The following TRPC3 variants were observed in gnomAD, a reference collection of about 807,000 sequenced individuals.
TRPC3 encodes the protein short transient receptor potential channel 3.
TRPC3 carries 54 observed loss-of-function variants against 90.9 expected under a neutral mutation model. That is an observed-to-expected ratio of 0.59 (90% CI 0.48 to 0.75). TRPC3 has a LOEUF of 0.75. TRPC3 is among the 30% of genes least tolerant of loss of function. The pLI is 0.00. For missense variants in TRPC3, 918 were observed against 1,194.5 expected (o/e 0.77, Z 3.41); for synonymous variants, 424 against 450.9 (o/e 0.94, Z 0.75).
chr4:121,927,635 G>C (rs148815207), intron 2 of TRPC3, among the ~76,000 whole-genome samples: 1 of 152,050 alleles, frequency 6.6e-6, no homozygotes, highest in Non-Finnish European at 1.5e-5. Flanking sequence ...GCAAAACCAC[G>C]TCATCAGCTA....
rs1285464303 is a variant in TRPC3, at chr4:121,932,893, T to A, written c.365A>T (p.Tyr122Phe). 6.2e-7 allele frequency: 1 copy of A among 1,614,082 alleles called. No homozygotes were observed. Among genetic ancestry groups the A allele is most frequent in the African/African-American group, 1.3e-5 (1 of 75,072 alleles). The change falls in exon 2 of 12, where the codon TAC (tyrosine) becomes TTC (phenylalanine). Residue 122 changes from tyrosine to phenylalanine, a missense_variant. Transcript: ENST00000379645. This position sits in a 1 kb window ranked among gnomAD's most constrained non-coding sequence, Gnocchi z 7.7. ...CTTGCGCACCACTGGGATGTTGCCG[T>A]ACTCGGCGGCGTCGAGGAAGCGCTC... is the stretch of plus-strand genomic sequence containing the variant. ...EEERFLDAAE[Y>F]GNIPVVRKML...
chr4:121,897,906 T>G (rs984489337), intron 10 of TRPC3, among the ~76,000 whole-genome samples: 2 of 152,016 alleles, frequency 1.3e-5, no homozygotes, highest in African/African-American at 4.8e-5. Flanking sequence ...TCAACCTAGG[T>G]GTCTAACAGC....
chr4:121,926,088 T>C (rs1004263402), intron 2 of TRPC3, among the ~76,000 whole-genome samples: 3 of 152,148 alleles, frequency 2.0e-5, no homozygotes, highest in Non-Finnish European at 2.9e-5. Flanking sequence ...CCCTGACTAA[T>C]AGAGTCAGAG....
chr4:121,898,112 G>C (rs894323005), intron 10 of TRPC3, among the ~76,000 whole-genome samples: 4 of 152,174 alleles, frequency 2.6e-5, no homozygotes, highest in Non-Finnish European at 4.4e-5. Flanking sequence ...AAAAAAAGTT[G>C]ATCTCACAGA....
chr4:121,943,184 T>TG (rs1019449107), intron 1 of TRPC3, among the ~76,000 whole-genome samples: 2 of 109,560 alleles, frequency 1.8e-5, no homozygotes, highest in Non-Finnish European at 4.2e-5. Flanking sequence ...AACAGATAAT[T>TG]TTCCCCCCCT....
rs2149099562 is a variant in TRPC3, at chr4:121,875,239, T to A, written c.*4497A>T. ...TGTAGAAGGAAAGTAAAAGTTTATT[T>A]TGAAGCTCAAATTTATTTTAAAACA... On this transcript the variant is annotated 3_prime_UTR_variant, in exon 12 of 12. Transcript: ENST00000379645. Among the ~76,000 whole-genome samples the A allele has an allele frequency of 6.6e-6, 1 of 152,268 alleles. No individual in the cohort carries two copies. The highest frequency in any genetic ancestry group is 1.9e-4 in the East Asian group (1 of 5,182).
intron 1 of TRPC3, among the ~76,000 whole-genome samples, chr4:121,935,408 G>A (rs533612365): frequency 1.5e-4 from 21 of 137,664 alleles, no homozygotes; most frequent in Non-Finnish European, 1.2e-4. Flanking sequence ...TGAGTTGGGG[G>A]ACATGTGTGG....
At chr4:121,938,444 A>C (rs779733442) in intron 1 of TRPC3, among the ~76,000 whole-genome samples, 1 of 152,170 alleles carries the variant, frequency 6.6e-6, no homozygotes, top group Non-Finnish European at 1.5e-5. Flanking sequence ...GCTTCCTTCC[A>C]ATTCTCATTG....
intron 1 of TRPC3, among the ~76,000 whole-genome samples, chr4:121,946,577 G>A (rs1157499661): frequency 6.6e-6 from 1 of 152,172 alleles, no homozygotes; most frequent in African/African-American, 2.4e-5. Context: ...CCATCTTGTG[G>A]AAGATAGGGG....
chr4:121,914,661 G>T, intron 4 of TRPC3, 119 bp downstream of exon 4: 2 of 1,081,798 alleles, frequency 1.8e-6, no homozygotes, highest in Admixed American at 2.8e-5. Flanking sequence ...CTGTGTTCTT[G>T]AATCAATTAA....
At position 121,876,030 on chromosome 4, in the gene TRPC3, C is replaced by T. The variant is rs1408847423; in HGVS notation, c.*3706G>A. On this transcript the variant is annotated 3_prime_UTR_variant, in exon 12 of 12. Transcript: ENST00000379645. Reference sequence around the variant, plus strand: ...CCTCTCACCCCAGCCTCCTGAGTAACTGGAACCACAGACACATGCCACCAT... The same window carrying T: ...CCTCTCACCCCAGCCTCCTGAGTAATTGGAACCACAGACACATGCCACCAT... Among the ~76,000 whole-genome samples, 2 of 150,634 alleles carry T rather than the reference C, an allele frequency of 1.3e-5. No homozygotes were observed. Among genetic ancestry groups the T allele is most frequent in the Non-Finnish European group, 3.0e-5 (2 of 67,788 alleles).
intron 3 of TRPC3, among the ~76,000 whole-genome samples, chr4:121,915,696 A>ATT (rs542247718): frequency 2.0e-5 from 3 of 150,288 alleles, no homozygotes; most frequent in African/African-American, 7.3e-5. Flanking sequence ...CAGCCATTTG[A>ATT]TTTTTTTTTT....
intron 2 of TRPC3, among the ~76,000 whole-genome samples, chr4:121,929,834 G>GA (rs1052538398): frequency 1.3e-3 from 193 of 150,720 alleles, no homozygotes; most frequent in African/African-American, 3.8e-3. Flanking sequence ...GTCTTAAAAG[G>GA]AAAAAAAATC....
At chr4:121,885,258 T>C (rs1728074173) in intron 10 of TRPC3, among the ~76,000 whole-genome samples, 1 of 152,150 alleles carries the variant, frequency 6.6e-6, no homozygotes, top group South Asian at 2.1e-4. Context: ...AGATTGGCCA[T>C]CCCCATTCTA....
chr4:121,879,658 G>A lies in TRPC3; in HGVS notation c.*78C>T. ...GTTAATACTAAAAATTTACATCATA[G>A]TTTTTCAAGTATTTCATACTTAGAA... On this transcript the variant is annotated 3_prime_UTR_variant, in exon 12 of 12. Transcript: ENST00000379645. 6.7e-7 allele frequency: 1 copy of A among 1,487,090 alleles called. No individual in the cohort carries two copies. The highest frequency in any genetic ancestry group is 9.0e-7 in the Non-Finnish European group (1 of 1,106,040). The allele number at this position is 1,487,090 out of a possible 1,614,324, so 92.1% of individuals were successfully genotyped here. A position where few individuals can be genotyped will look rare whatever the true frequency, so the allele number is the denominator to read the frequency against.
rs1278253635 is a variant in TRPC3, at chr4:121,876,886, G to GA, written c.*2849dup. Among the ~76,000 whole-genome samples, 2 of 151,926 alleles carry GA rather than the reference G, an allele frequency of 1.3e-5. No individual in the cohort carries two copies. Among genetic ancestry groups the GA allele is most frequent in the African/African-American group, 2.4e-5 (1 of 41,366 alleles). On this transcript the variant is annotated 3_prime_UTR_variant, in exon 12 of 12. Transcript: ENST00000379645. ...CTTTCTTTTCTTTATCTGTAAATGA[G>GA]AAAAAAATAAGAATAGCAAAGAGGT...
At chr4:121,948,872 TTG>T (rs200123937) in intron 1 of TRPC3, among the ~76,000 whole-genome samples, 3,962 of 73,662 alleles carry the variant, frequency 0.054, 175 homozygotes, top group African/African-American at 0.14. Flanking sequence ...TTTGTTGTTG[TTG>T]TTTTTTTTTA....
At chr4:121,881,575 ATTT>A (rs1167221759) in intron 11 of TRPC3, among the ~76,000 whole-genome samples, 1 of 152,214 alleles carries the variant, frequency 6.6e-6, no homozygotes, top group Non-Finnish European at 1.5e-5. Context: ...ATTGATTTAC[ATTT>A]AAAATGCATT....
At chr4:121,899,778 AC>A (rs1728642170) in intron 9 of TRPC3, 83 bp from the exon 10 acceptor site, 2 of 1,072,150 alleles carry the variant, frequency 1.9e-6, no homozygotes, top group East Asian at 5.0e-5. Flanking sequence ...CTCCTTGATA[AC>A]ATTTCTGGAG....
Sources: gnomAD v4.1 joint callset for allele counts (sites outside exome capture counted in the v4.1 genomes callset) on GRCh38, gnomAD v4.1.1 for gene constraint, Gnocchi (gnomAD v3.1) non-coding constraint, MANE v1.5 for transcripts, NCBI Gene and HGNC (gene_info 2026-07-23, HGNC 2026-07-21) for gene names.